RDH11: variants seen among roughly 807,000 people sequenced by gnomAD.
The protein encoded by RDH11 is HCV core-binding protein HCBP12.
A neutral mutation model predicts 33.4 loss-of-function variants in RDH11; 19 were observed. That is an observed-to-expected ratio of 0.57 (90% confidence interval 0.40 to 0.83). The LOEUF (loss-of-function observed/expected upper bound fraction) is 0.83, where lower values mean the gene tolerates loss of function less well. Among genes scored for constraint, RDH11 ranks in the 40% least tolerant of loss-of-function variants. The pLI, the probability that RDH11 is intolerant of heterozygous loss-of-function variation, is 0.00. For synonymous variants in RDH11, 154 were observed against 155.3 expected, an observed-to-expected ratio of 0.99 and a Z score of 0.06; for missense variants, 353 against 389.0, an observed-to-expected ratio of 0.91 and a Z score of 0.78.
intron 5 of RDH11, among the ~76,000 whole-genome samples, chr14:67,688,920 ACATGGG>A (rs891309455): frequency 6.6e-6 from 1 of 152,224 alleles, no homozygotes; most frequent in Admixed American, 6.5e-5. Flanking sequence ...GCACGGAACA[ACATGGG>A]CACTGAATAC....
In RDH11 at chr14:67,695,531, C is replaced by T. The variant is rs538396805; in HGVS notation, c.74+99G>A. On this transcript the variant is annotated intron_variant, in intron 1 of 6. Coordinates refer to ENST00000381346, the MANE Select transcript of RDH11 (RefSeq NM_016026.4). ...CTGGGCTCCGCCATCTTGGAGCCCC[C>T]CCAGGGGAGTTTTCCAAGAAAGCTT... is the stretch of plus-strand genomic sequence containing the variant. 5 of 1,241,960 alleles carry T rather than the reference C, an allele frequency of 4.0e-6. No homozygotes were observed. In the East Asian group the frequency reaches 7.5e-5, roughly 19 times the overall value. The allele number at this position is 1,241,960 out of a possible 1,614,324, so 76.9% of individuals were successfully genotyped here. A position where few individuals can be genotyped will look rare whatever the true frequency, so the allele number is the denominator to read the frequency against.
chr14:67,689,781 TAAAAATAC>T (rs1299365493), intron 5 of RDH11, among the ~76,000 whole-genome samples: 3 of 151,952 alleles, frequency 2.0e-5, no homozygotes, highest in Non-Finnish European at 2.9e-5. Flanking sequence ...CTGTCTCTAC[TAAAAATAC>T]AAAAATTAGC....
In RDH11 at chr14:67,690,326, T is replaced by C; in HGVS notation, c.550A>G (p.Arg184Gly). The C allele has an allele frequency of 6.2e-7, 1 of 1,614,032 alleles. No homozygotes were observed. Among genetic ancestry groups the C allele is most frequent in the Non-Finnish European group, 8.5e-7 (1 of 1,179,870 alleles). The change falls in exon 5 of 7, where the codon AGG becomes GGG. Residue 184 changes from arginine to glycine, a missense_variant. Physicochemically the swap from Arg to Gly is moderately radical, Grantham distance 125. Coordinates refer to ENST00000381346, the MANE Select transcript of RDH11 (RefSeq NM_016026.4). ...CCCTGCAGGTTATGGAAGTGGATCCTTCCCAGGTGATGTGCGAGGGAAGAC... is the reference window on the plus strand; with the variant it reads ...CCCTGCAGGTTATGGAAGTGGATCCCTCCCAGGTGATGTGCGAGGGAAGAC... ...NVSSLAHHLG[R>G]IHFHNLQGEK...
At chr14:67,679,787 G>T (rs549203140) in intron 6 of RDH11, among the ~76,000 whole-genome samples, 14 of 152,154 alleles carry the variant, frequency 9.2e-5, no homozygotes, top group Middle Eastern at 3.4e-3. Flanking sequence ...GTATTCTCTG[G>T]ATCTGGTATA....
At position 67,690,237 on chromosome 14, in the gene RDH11, G is replaced by A; in HGVS notation, c.639C>T (p.Thr213=). 1 of 1,613,708 alleles carries A rather than the reference G, an allele frequency of 6.2e-7. No individual in the cohort carries two copies. Among genetic ancestry groups the A allele is most frequent in the Non-Finnish European group, 8.5e-7 (1 of 1,180,004 alleles). ...CHSKLANILF[T]QELARRLKGS... ...CTTTTAGTCTCCGGGCCAGTTCCTGGGTGAAGAGGATGTTGGCTAGCTTGC... is the reference window on the plus strand; with the variant it reads ...CTTTTAGTCTCCGGGCCAGTTCCTGAGTGAAGAGGATGTTGGCTAGCTTGC... The change falls in exon 5 of 7, where the codon ACC becomes ACT. Residue 213 remains threonine (T), a synonymous_variant. Transcript: ENST00000381346.
intron 5 of RDH11, among the ~76,000 whole-genome samples, chr14:67,688,558 T>C (rs2037709852): frequency 2.0e-5 from 3 of 151,844 alleles, no homozygotes; most frequent in Admixed American, 2.0e-4. Context: ...TGAAGGTGGT[T>C]TTTCACCTTA....
intron 1 of RDH11, among the ~76,000 whole-genome samples, chr14:67,694,483 C>CATATATATATATATATATAT (rs1264761406): frequency 8.8e-5 from 13 of 148,004 alleles, no homozygotes; most frequent in African/African-American, 3.3e-4. Context: ...TATATACACA[C>CATATATATATATATATATAT]ACACACATAT....
intron 4 of RDH11, chr14:67,690,721 C>T (rs1048113592): frequency 9.8e-6 from 4 of 406,836 alleles, no homozygotes; most frequent in South Asian, 7.7e-5. Flanking sequence ...CGGTGGCTCA[C>T]GCCGGTAATC....
chr14:67,686,623 A>C, intron 5 of RDH11, among the ~76,000 whole-genome samples: 1 of 130,934 alleles, frequency 7.6e-6, no homozygotes, highest in Admixed American at 8.7e-5. Context: ...TGGGCGACAG[A>C]GTGAGACACC....
rs1331229240 is a variant in RDH11 at position 67,685,150 on chromosome 14, A to C, written c.719T>G (p.Val240Gly). The change falls in exon 6 of 7, where the codon GTT becomes GGT. Residue 240 changes from valine (V) to glycine (G), a missense_variant. Val to Gly is a moderately radical substitution (Grantham distance 109, BLOSUM62 -3). Coordinates refer to ENST00000381346, the MANE Select transcript of RDH11 (RefSeq NM_016026.4). Reference protein sequence around the residue: ...VHPGTVQSELVRHSSFMRWMW... With the variant: ...VHPGTVQSELGRHSSFMRWMW... The stretch of plus-strand genomic sequence containing the variant: ...CCATCTCATGAAAGATGAGTGCCGA[A>C]CCAGTTCAGATTGGACTGTGCCAGG... The C allele has an allele frequency of 2.5e-6, 4 of 1,614,196 alleles. No individual in the cohort carries two copies. The highest frequency in any genetic ancestry group is 3.4e-6 in the Non-Finnish European group (4 of 1,180,026).
intron 1 of RDH11, 56 bp downstream of exon 1, chr14:67,695,574 T>C: frequency 6.5e-7 from 1 of 1,538,518 alleles, no homozygotes; most frequent in Non-Finnish European, 8.9e-7. Flanking sequence ...GATTCTATGT[T>C]TCCCTCCCGC....
chr14:67,694,229 C>G (rs1290282993), intron 1 of RDH11, among the ~76,000 whole-genome samples: 1 of 152,092 alleles, frequency 6.6e-6, no homozygotes, highest in Non-Finnish European at 1.5e-5. Context: ...CCCCACAAAC[C>G]ATCACCTCCC....
In RDH11 at chr14:67,693,058, G is replaced by A; in HGVS notation, c.75-6C>T. The A allele has an allele frequency of 1.3e-6, 2 of 1,592,204 alleles. No homozygotes were observed. Among genetic ancestry groups the A allele is most frequent in the South Asian group, 2.2e-5 (2 of 90,186 alleles). On this transcript the variant is annotated splice_polypyrimidine_tract_variant and splice_region_variant and intron_variant, in intron 1 of 6. Coordinates refer to ENST00000381346, the MANE Select transcript of RDH11 (RefSeq NM_016026.4). Reference sequence around the variant, plus strand: ...CCCCACTGGACAGCATTTTCCTGCAGACAGAGAAGGAGAGCTCATCAATTC... The same window carrying A: ...CCCCACTGGACAGCATTTTCCTGCAAACAGAGAAGGAGAGCTCATCAATTC...
In RDH11 at chr14:67,692,974, T is replaced by C. The variant is rs1241184534; in HGVS notation, c.153A>G (p.Thr51=). 7.4e-6 allele frequency: 12 copies of C among 1,614,002 alleles called. No individual in the cohort carries two copies. Among genetic ancestry groups the C allele is most frequent in the Non-Finnish European group, 9.3e-6 (11 of 1,179,916 alleles). Reference sequence around the variant, plus strand: ...CTTTGGCTGTCTCCTTCCCGATACCTGTATTAGCTCCTGTGACCACAACTA... The same window carrying C: ...CTTTGGCTGTCTCCTTCCCGATACCCGTATTAGCTCCTGTGACCACAACTA... ...GKVVVVTGAN[T]GIGKETAKEL... is the part of the protein sequence containing the mutation. The change falls in exon 2 of 7, where the codon ACA becomes ACG. Residue 51 remains threonine (T), a synonymous_variant. Transcript: ENST00000381346.
At chr14:67,680,166 G>A (rs1332994655) in intron 6 of RDH11, among the ~76,000 whole-genome samples, 3 of 152,210 alleles carry the variant, frequency 2.0e-5, no homozygotes, top group African/African-American at 4.8e-5. Context: ...ACACACTAAA[G>A]TTTGAGAAAT....
At position 67,678,217 on chromosome 14, in the gene RDH11, C is replaced by T. The variant is rs2037568231; in HGVS notation, c.*104G>A. The T allele has an allele frequency of 1.3e-6, 1 of 773,386 alleles. No individual in the cohort carries two copies. Among genetic ancestry groups the T allele is most frequent in the Middle Eastern group, 2.7e-4 (1 of 3,752 alleles). The allele number at this position is 773,386 out of a possible 1,614,324, so 47.9% of individuals were successfully genotyped here. On this transcript the variant is annotated 3_prime_UTR_variant, in exon 7 of 7. Coordinates refer to ENST00000381346, the MANE Select transcript of RDH11 (RefSeq NM_016026.4). ...GCAGGCAAGGCTGGAAGGTTTTGCT[C>T]TCTTTGTGCTAAAGGTTTTGAAAAC...
intron 2 of RDH11, 21 bp from the exon 3 acceptor site, chr14:67,692,614 G>A (rs200159931): frequency 4.7e-4 from 729 of 1,535,404 alleles, no homozygotes; most frequent in Non-Finnish European, 6.2e-4. Context: ...ACATATGAAA[G>A]AGAAATGGTC....
intron 2 of RDH11, 149 bp downstream of exon 2, chr14:67,692,785 G>A (rs1260106228): frequency 3.5e-6 from 3 of 864,470 alleles, no homozygotes; most frequent in African/African-American, 1.7e-5. Flanking sequence ...TATATGTAGA[G>A]CATAGTACTA....
chr14:67,683,154 G>A (rs2037635097), intron 6 of RDH11, among the ~76,000 whole-genome samples: 1 of 152,190 alleles, frequency 6.6e-6, no homozygotes, highest in Non-Finnish European at 1.5e-5. Flanking sequence ...CACGGCTGCT[G>A]TTGGATCTTC....
Sources: gnomAD v4.1 joint callset for allele counts (sites outside exome capture counted in the v4.1 genomes callset) on GRCh38, gnomAD v4.1.1 for gene constraint, MANE v1.5 for transcripts, NCBI Gene and HGNC (gene_info 2026-07-23, HGNC 2026-07-21) for gene names.